Variants in SLIT2 observed in about 807,000 individuals in gnomAD.
SLIT2 encodes slit guidance ligand 2.
SLIT2 carries 41 observed loss-of-function variants against 185.7 expected under a neutral mutation model. The observed-to-expected ratio is 0.22, with a 90% confidence interval of 0.17 to 0.29. SLIT2 has a LOEUF of 0.29. Among genes scored for constraint, SLIT2 ranks in the 10% least tolerant of loss-of-function variants. The pLI, the probability that SLIT2 is intolerant of heterozygous loss-of-function variation, is 1.00. For missense variants in SLIT2, 1,571 were observed against 1,909.0 expected (o/e 0.82, Z 3.30); for synonymous variants, 693 against 680.2 (o/e 1.02, Z -0.29).
rs1202161971 is a variant in SLIT2, at chr4:20,528,917, A to G, written c.1463-32A>G. On this transcript the variant is annotated intron_variant, in intron 15 of 36. Coordinates refer to ENST00000504154, the MANE Select transcript of SLIT2 (RefSeq NM_004787.4). The surrounding 1 kb of genome is among the most constrained non-coding windows in gnomAD (Gnocchi z 4.2). ...AATAAATTTTCTAACCTTTAGACTCAGTATCTTTTTTTTGGTTTGAATTCT... is the reference window on the plus strand; with the variant it reads ...AATAAATTTTCTAACCTTTAGACTCGGTATCTTTTTTTTGGTTTGAATTCT... 2 of 1,570,890 alleles carry G rather than the reference A, an allele frequency of 1.3e-6. No homozygotes were observed. The highest frequency in any genetic ancestry group is 1.4e-5 in the African/African-American group (1 of 73,870).
At chr4:20,361,354 T>A (rs998668978) in intron 4 of SLIT2, among the ~76,000 whole-genome samples, 1 of 152,130 alleles carries the variant, frequency 6.6e-6, no homozygotes, top group African/African-American at 2.4e-5. Flanking sequence ...GAACTTAATT[T>A]TTTTAGCTTT....
intron 4 of SLIT2, among the ~76,000 whole-genome samples, chr4:20,276,575 T>C (rs557165518): frequency 1.4e-5 from 2 of 139,704 alleles, no homozygotes; most frequent in East Asian, 4.4e-4. Flanking sequence ...GGCAACTTGA[T>C]TTAAGTGTTA....
At chr4:20,259,749 T>A (rs1274057066) in intron 3 of SLIT2, among the ~76,000 whole-genome samples, 2 of 151,842 alleles carry the variant, frequency 1.3e-5, no homozygotes, top group Non-Finnish European at 3.0e-5. Flanking sequence ...TCTATTCTAC[T>A]AAGACTAAGT....
rs770889327 is a variant in SLIT2, at chr4:20,381,982, CT to C, written c.396-85765del. ...TTATTTATACATAAATACAAAACTC[CT>C]TTTTAAAAATTTAATAAATCAGTAT... On this transcript the variant is annotated intron_variant, in intron 4 of 36. Transcript: ENST00000504154. Among the ~76,000 whole-genome samples, 22 of 151,834 alleles carry C rather than the reference CT, an allele frequency of 1.4e-4. 2 individuals carry two copies. The South Asian group carries it at 4.6e-3, about 32-fold the overall frequency.
chr4:20,525,123 TA>T, intron 14 of SLIT2, 25 bp from the exon 15 acceptor site: 1 of 1,588,146 alleles, frequency 6.3e-7, no homozygotes, highest in Non-Finnish European at 8.6e-7. Context: ...GTGCATCTTC[TA>T]TTTTTTGTCT....
intron 18 of SLIT2, among the ~76,000 whole-genome samples, chr4:20,535,622 G>T (rs1722201203): frequency 6.6e-6 from 1 of 152,090 alleles, no homozygotes; most frequent in Non-Finnish European, 1.5e-5. Context: ...CATTCTGGAG[G>T]CTAGAAGTTC....
At chr4:20,599,048 T>G (rs1360801906) in intron 33 of SLIT2, among the ~76,000 whole-genome samples, 1 of 152,176 alleles carries the variant, frequency 6.6e-6, no homozygotes. Flanking sequence ...AGAGGTTTAT[T>G]GAGCACTTAC....
At chr4:20,276,059 T>A (rs1714140848) in intron 4 of SLIT2, among the ~76,000 whole-genome samples, 1 of 152,160 alleles carries the variant, frequency 6.6e-6, no homozygotes, top group Non-Finnish European at 1.5e-5. Flanking sequence ...TACATATGAT[T>A]TGATCTATGG....
intron 4 of SLIT2, among the ~76,000 whole-genome samples, chr4:20,361,004 C>T (rs1363659274): frequency 2.6e-5 from 4 of 152,170 alleles, no homozygotes; most frequent in African/African-American, 9.6e-5. Flanking sequence ...TATCTCTCAA[C>T]AAACGCTAAT....
At position 20,610,037 on chromosome 4, in the gene SLIT2, C is replaced by A; in HGVS notation, c.3717C>A (p.Asn1239Lys). 6.2e-7 allele frequency: 1 copy of A among 1,613,040 alleles called. No individual in the cohort carries two copies. ...GTGTGGAGACAATCAATGATGGAAA[C>A]TTCCACATTGTGGAACTACTTGCCT... ...IYSVETINDG[N>K]FHIVELLALD... The change falls in exon 34 of 37, where the codon AAC (asparagine) becomes AAA (lysine). Residue 1239 changes from asparagine to lysine, a missense_variant. Coordinates refer to ENST00000504154, the MANE Select transcript of SLIT2 (RefSeq NM_004787.4).
chr4:20,287,804 A>G (rs539833034), intron 4 of SLIT2, among the ~76,000 whole-genome samples: 1 of 152,342 alleles, frequency 6.6e-6, no homozygotes, highest in Non-Finnish European at 1.5e-5. Context: ...AGCACTTAAT[A>G]TAGGGCTAAT....
At chr4:20,313,830 C>T (rs768062657) in intron 4 of SLIT2, among the ~76,000 whole-genome samples, 10 of 152,136 alleles carry the variant, frequency 6.6e-5, no homozygotes, top group Non-Finnish European at 1.0e-4. Flanking sequence ...AGGTGGCGCT[C>T]AGGCGGCAAT....
intron 22 of SLIT2, among the ~76,000 whole-genome samples, chr4:20,547,098 C>T (rs1051476230): frequency 1.3e-5 from 2 of 151,986 alleles, no homozygotes; most frequent in Non-Finnish European, 2.9e-5. Flanking sequence ...TGATCACTTT[C>T]CTTGAAAGTA....
intron 4 of SLIT2, among the ~76,000 whole-genome samples, chr4:20,440,119 T>C (rs903085530): frequency 2.0e-5 from 3 of 152,194 alleles, no homozygotes; most frequent in Non-Finnish European, 4.4e-5. Flanking sequence ...CAGTCTGCCG[T>C]ATCTTTATAT....
At chr4:20,602,496 C>G (rs1160393645) in intron 33 of SLIT2, among the ~76,000 whole-genome samples, 1 of 152,124 alleles carries the variant, frequency 6.6e-6, no homozygotes, top group African/African-American at 2.4e-5. Context: ...TTAACAGCAC[C>G]AAGCATACAG....
intron 5 of SLIT2, among the ~76,000 whole-genome samples, chr4:20,471,805 C>T (rs1577720642): frequency 6.6e-6 from 1 of 152,160 alleles, no homozygotes. Context: ...TTCCTCCAGG[C>T]AAGCCACACT....
At chr4:20,539,670 T>C in intron 19 of SLIT2, 86 bp downstream of exon 19, 1 of 866,170 alleles carries the variant, frequency 1.2e-6, no homozygotes, top group Non-Finnish European at 1.6e-6. Flanking sequence ...AGCATTTCAT[T>C]AAAATGTGAT....
intron 4 of SLIT2, among the ~76,000 whole-genome samples, chr4:20,339,090 C>CA (rs398051113): frequency 0.098 from 6,899 of 70,494 alleles, 400 homozygotes; most frequent in Non-Finnish European, 0.11. Context: ...GAGACACTCT[C>CA]AAAAAAAAAA....
At chr4:20,522,518 A>T (rs972055959) in intron 12 of SLIT2, among the ~76,000 whole-genome samples, 1 of 152,172 alleles carries the variant, frequency 6.6e-6, no homozygotes, top group Non-Finnish European at 1.5e-5. Context: ...AGGGAGGAGT[A>T]CTCTGTTGGG....
Sources: gnomAD v4.1 joint callset for allele counts (sites outside exome capture counted in the v4.1 genomes callset) on GRCh38, gnomAD v4.1.1 for gene constraint, Gnocchi (gnomAD v3.1) non-coding constraint, MANE v1.5 for transcripts, NCBI Gene and HGNC (gene_info 2026-07-23, HGNC 2026-07-21) for gene names.